The following CERS6 variants were observed in gnomAD, a reference collection of about 807,000 sequenced individuals.
CERS6 encodes the protein LAG1 homolog, ceramide synthase 6.
Under a neutral mutation model 56.8 loss-of-function variants are expected in CERS6, and 26 were observed. That is an observed-to-expected ratio of 0.46 (90% confidence interval 0.34 to 0.63). The LOEUF is 0.63. Among genes scored for constraint, CERS6 ranks in the 30% least tolerant of loss-of-function variants. The pLI is 0.01. For synonymous variants in CERS6, 164 were observed against 173.3 expected, an observed-to-expected ratio of 0.95 and a Z score of 0.42; for missense variants, 415 against 467.5, an observed-to-expected ratio of 0.89 and a Z score of 1.04.
At chr2:168,567,924 C>T (rs1695911689) in intron 3 of CERS6, among the ~76,000 whole-genome samples, 1 of 152,200 alleles carries the variant, frequency 6.6e-6, no homozygotes, top group Non-Finnish European at 1.5e-5. Flanking sequence ...GATTGATGAA[C>T]CGGACTATGG....
chr2:168,635,286 G>C (rs1038559299), intron 4 of CERS6, among the ~76,000 whole-genome samples: 3 of 152,194 alleles, frequency 2.0e-5, no homozygotes, highest in Admixed American at 6.5e-5. Context: ...GTCCCTGAGG[G>C]AGCATGAGGG....
intron 1 of CERS6, among the ~76,000 whole-genome samples, chr2:168,543,175 G>A (rs1396944893): frequency 6.6e-6 from 1 of 152,174 alleles, no homozygotes; most frequent in Non-Finnish European, 1.5e-5. Context: ...ATTTTTCAAA[G>A]TTTACATCCT....
chr2:168,723,484 T>C (rs2105400773), intron 8 of CERS6, among the ~76,000 whole-genome samples: 1 of 152,344 alleles, frequency 6.6e-6, no homozygotes, highest in East Asian at 1.9e-4. Flanking sequence ...AGATAAACAC[T>C]GTAAATTCCT....
At chr2:168,635,873 T>A (rs1235450536) in intron 4 of CERS6, among the ~76,000 whole-genome samples, 1 of 152,198 alleles carries the variant, frequency 6.6e-6, no homozygotes, top group Non-Finnish European at 1.5e-5. Flanking sequence ...TGTTCCCTGG[T>A]TTCATACTTT....
intron 5 of CERS6, among the ~76,000 whole-genome samples, chr2:168,691,285 T>G (rs1267783311): frequency 6.6e-6 from 1 of 152,206 alleles, no homozygotes; most frequent in African/African-American, 2.4e-5. Flanking sequence ...AAGGCCCGAT[T>G]GCCCTAGCAG....
intron 4 of CERS6, among the ~76,000 whole-genome samples, chr2:168,675,630 A>T (rs1686039726): frequency 6.6e-6 from 1 of 152,124 alleles, no homozygotes; most frequent in Non-Finnish European, 1.5e-5. Flanking sequence ...AACAACAACA[A>T]AATAATAATA....
At chr2:168,726,802 G>A (rs1683366549) in intron 8 of CERS6, among the ~76,000 whole-genome samples, 1 of 152,166 alleles carries the variant, frequency 6.6e-6, no homozygotes, top group South Asian at 2.1e-4. Context: ...GTGGTCAGAA[G>A]TTCTTATTAT....
chr2:168,511,940 G>T (rs962213089), intron 1 of CERS6, among the ~76,000 whole-genome samples: 2 of 112,590 alleles, frequency 1.8e-5, no homozygotes, highest in Non-Finnish European at 3.8e-5. Flanking sequence ...CCATATGTGT[G>T]CATGCACGTG....
chr2:168,667,352 G>A (rs953214126), intron 4 of CERS6, among the ~76,000 whole-genome samples: 1 of 152,194 alleles, frequency 6.6e-6, no homozygotes, highest in African/African-American at 2.4e-5. Flanking sequence ...TGGTGGCTTA[G>A]AGAGGTTTCC....
rs59967315 is a variant in CERS6 at position 168,739,052 on chromosome 2, ATTTTTTTTTTTTT to A, written c.845+21091_845+21103del. Among the ~76,000 whole-genome samples, 716 of 87,684 alleles carry A rather than the reference ATTTTTTTTTTTTT, an allele frequency of 8.2e-3. 6 individuals are homozygous for A. The highest frequency in any genetic ancestry group is 0.045 in the Admixed American group (272 of 6,108). The allele number at this position is 87,684 out of a possible 152,430, so 57.5% of individuals were successfully genotyped here. ...AGGCACATGCTGCCACACCCGGCTA[ATTTTTTTTTTTTT>A]TTTTTTTTTTTTTTTTGTATTTTAG... On this transcript the variant is annotated intron_variant, in intron 8 of 9. Coordinates refer to ENST00000305747, the MANE Select transcript of CERS6 (RefSeq NM_203463.3).
intron 1 of CERS6, among the ~76,000 whole-genome samples, chr2:168,465,726 G>A (rs1020034903): frequency 7.9e-5 from 12 of 152,170 alleles, no homozygotes; most frequent in Admixed American, 6.5e-5. Flanking sequence ...GCAAGGTGCT[G>A]GAGGTTGGTG....
chr2:168,625,875 C>G (rs575341445), intron 3 of CERS6, among the ~76,000 whole-genome samples: 1 of 152,292 alleles, frequency 6.6e-6, no homozygotes, highest in South Asian at 2.1e-4. Context: ...CCCAGATTTG[C>G]AAGCAGTCAG....
intron 4 of CERS6, among the ~76,000 whole-genome samples, chr2:168,646,101 T>C (rs111860642): frequency 1.1e-4 from 16 of 152,338 alleles, no homozygotes; most frequent in Admixed American, 8.5e-4. Context: ...TTTTAGCTGT[T>C]TGAGGAATTG....
chr2:168,599,174 C>A (rs764486356), intron 3 of CERS6, among the ~76,000 whole-genome samples: 5 of 152,152 alleles, frequency 3.3e-5, no homozygotes, highest in Non-Finnish European at 7.3e-5. Context: ...GGTTACCTTG[C>A]AGAGCATGGG....
rs925153272 is a variant in CERS6, at chr2:168,562,260, G to A, written c.407+938G>A. ...AAAAAGTGTTTCAGTGTGAAGGGGT[G>A]ACCTTCCCCTCCACACCTGTGGGTA... On this transcript the variant is annotated intron_variant, in intron 3 of 9. Transcript: ENST00000305747. Among the ~76,000 whole-genome samples the A allele has an allele frequency of 3.9e-5, 6 of 152,264 alleles. No homozygotes were observed. The East Asian group carries it at 1.2e-3, about 29-fold the overall frequency.
intron 8 of CERS6, among the ~76,000 whole-genome samples, chr2:168,764,744 G>A (rs915281491): frequency 2.0e-4 from 30 of 152,132 alleles, no homozygotes; most frequent in African/African-American, 7.0e-4. Flanking sequence ...AAGCCCAAAA[G>A]CAACTTCAAA....
At chr2:168,690,922 C>A in intron 4 of CERS6, 112 bp from the exon 5 acceptor site, 1 of 884,892 alleles carries the variant, frequency 1.1e-6, no homozygotes, top group Non-Finnish European at 1.8e-6. Flanking sequence ...AGTTCTCACA[C>A]AGGTAAATTA....
intron 4 of CERS6, among the ~76,000 whole-genome samples, chr2:168,649,985 C>G (rs771828692): frequency 6.6e-6 from 1 of 151,998 alleles, no homozygotes; most frequent in Non-Finnish European, 1.5e-5. Flanking sequence ...TGATATTAAA[C>G]TGATGGCATG....
At chr2:168,743,567 A>G (rs1336822561) in intron 8 of CERS6, among the ~76,000 whole-genome samples, 1 of 152,210 alleles carries the variant, frequency 6.6e-6, no homozygotes, top group Non-Finnish European at 1.5e-5. Flanking sequence ...AATAAAAAAG[A>G]GTTGCTTTTT....
Sources: allele counts gnomAD v4.1 joint callset (sites outside exome capture counted in the v4.1 genomes callset), GRCh38; gene constraint gnomAD v4.1.1; transcripts MANE v1.5; gene names NCBI Gene and HGNC (gene_info 2026-07-23, HGNC 2026-07-21).